The following PCDHGA5 variants were observed in gnomAD, a reference collection of about 807,000 sequenced individuals.
PCDHGA5 encodes the protein protocadherin gamma-A5.
In PCDHGA5, 36 loss-of-function variants were observed where a neutral mutation model predicts 56.7. The observed-to-expected ratio is 0.64, with a 90% CI of 0.49 to 0.84. The LOEUF (loss-of-function observed/expected upper bound fraction) is 0.84, where lower values mean the gene tolerates loss of function less well. PCDHGA5 is among the 40% of genes least tolerant of loss of function. The pLI is 0.00. For missense variants in PCDHGA5, 1,305 were observed against 1,201.5 expected, an observed-to-expected ratio of 1.09 and a Z score of -1.27; for synonymous variants, 563 against 520.2, an observed-to-expected ratio of 1.08 and a Z score of -1.12.
rs1030000451 is a variant in PCDHGA5, at chr5:141,432,417, T to G, written c.2422-62390T>G. 2.5e-6 allele frequency: 4 copies of G among 1,614,124 alleles called. No individual in the cohort carries two copies. In the African/African-American group the frequency reaches 5.3e-5, roughly 22 times the overall value. On this transcript the variant is annotated intron_variant, in intron 1 of 3. Coordinates refer to ENST00000518069, the MANE Select transcript of PCDHGA5 (RefSeq NM_018918.3). This position sits in a 1 kb window ranked among gnomAD's most constrained non-coding sequence, Gnocchi z 6.0. The stretch of plus-strand genomic sequence containing the variant: ...AACGTGTCGTTGAGCCTGTTCGTGC[T>G]GGACCAGAACGACAATGCGCCCGAG...
chr5:141,410,712 T>C (rs776042818), intron 1 of PCDHGA5: 2 of 1,437,800 alleles, frequency 1.4e-6, no homozygotes, highest in Non-Finnish European at 1.9e-6. Context: ...TCTAGAATCA[T>C]ATGTTTAAAA....
intron 1 of PCDHGA5, chr5:141,414,158 G>C: frequency 6.2e-7 from 1 of 1,602,572 alleles, no homozygotes; most frequent in Non-Finnish European, 8.5e-7. Context: ...GCAGAAGATG[G>C]AGGAGCATAT....
intron 1 of PCDHGA5, chr5:141,392,676 C>G: frequency 1.1e-6 from 1 of 917,280 alleles, no homozygotes. Context: ...AACTGCTGGA[C>G]TGCAGCGAAA....
chr5:141,470,650 T>C (rs2099235744), intron 1 of PCDHGA5, among the ~76,000 whole-genome samples: 1 of 152,184 alleles, frequency 6.6e-6, no homozygotes, highest in Non-Finnish European at 1.5e-5. Context: ...TGAAGGCCCC[T>C]ACCCTTTGGT....
Position 141,477,584 on chromosome 5 carries a change from G to A in PCDHGA5, c.2422-17223G>A. 5 of 1,614,148 alleles carry A rather than the reference G, an allele frequency of 3.1e-6. No homozygotes were observed. Among genetic ancestry groups the A allele is most frequent in the Non-Finnish European group, 4.2e-6 (5 of 1,180,032 alleles). On this transcript the variant is annotated intron_variant, in intron 1 of 3. Coordinates refer to ENST00000518069, the MANE Select transcript of PCDHGA5 (RefSeq NM_018918.3). This position sits in a 1 kb window ranked among gnomAD's most constrained non-coding sequence, Gnocchi z 4.9. ...CTGGGACCCCGACGCCCCGCAGAAT[G>A]CTCGGCTTTCTTTCTTTCTCTTGGA...
chr5:141,391,873 T>G (rs1023590638), intron 1 of PCDHGA5: 2 of 152,216 alleles, frequency 1.3e-5, no homozygotes, highest in African/African-American at 4.8e-5. Flanking sequence ...TAATCATCTC[T>G]TTGGTGAAAG....
At position 141,364,535 on chromosome 5, in the gene PCDHGA5, A is replaced by G. The variant is rs1404696563; in HGVS notation, c.205A>G (p.Arg69Gly). 2 of 1,614,100 alleles carry G rather than the reference A, an allele frequency of 1.2e-6. No individual in the cohort carries two copies. Among genetic ancestry groups the G allele is most frequent in the Admixed American group, 3.3e-5 (2 of 60,028 alleles). The change falls in exon 1 of 4, where the codon AGA becomes GGA. Residue 69 changes from arginine (R) to glycine (G), a missense_variant. Transcript: ENST00000518069. The part of the protein sequence containing the change: ...LAERGVRIVS[R>G]GRTQLFALNP... ...GGAGCGCGGAGTCCGCATCGTCTCC[A>G]GAGGTAGGACGCAGCTTTTTGCCCT...
chr5:141,481,096 T>C (rs1162625304), intron 1 of PCDHGA5, among the ~76,000 whole-genome samples: 2 of 152,150 alleles, frequency 1.3e-5, no homozygotes, highest in East Asian at 1.9e-4. Flanking sequence ...AAAGCAGTAC[T>C]CTGGAACCTA....
intron 1 of PCDHGA5, chr5:141,441,665 A>G (rs994092543): frequency 2.3e-5 from 6 of 265,720 alleles, no homozygotes; most frequent in Non-Finnish European, 3.7e-5. Context: ...CCTTGAGCGC[A>G]CAGTGCGCCT....
chr5:141,475,105 G>C (rs1215386045), intron 1 of PCDHGA5, among the ~76,000 whole-genome samples: 1 of 152,156 alleles, frequency 6.6e-6, no homozygotes, highest in Non-Finnish European at 1.5e-5. Context: ...GATCCTAGGT[G>C]GTAAATAGGC....
At chr5:141,465,466 C>T (rs1280373152) in intron 1 of PCDHGA5, among the ~76,000 whole-genome samples, 1 of 152,156 alleles carries the variant, frequency 6.6e-6, no homozygotes, top group African/African-American at 2.4e-5. Flanking sequence ...ACCAAATTGC[C>T]CTTGCTTCAT....
At chr5:141,371,657 G>A in intron 1 of PCDHGA5, 1 of 1,613,988 alleles carries the variant, frequency 6.2e-7, no homozygotes, top group Non-Finnish European at 8.5e-7. Context: ...ACAATGTGAC[G>A]ATCACAGCTA....
At chr5:141,390,230 A>T (rs2092091822) in intron 1 of PCDHGA5, 1 of 1,614,072 alleles carries the variant, frequency 6.2e-7, no homozygotes, top group Admixed American at 1.7e-5. Flanking sequence ...GCGGTGATTC[A>T]TCTGGGGCCT....
chr5:141,389,612 G>A, intron 1 of PCDHGA5: 1 of 1,613,040 alleles, frequency 6.2e-7, no homozygotes, highest in Non-Finnish European at 8.5e-7. Flanking sequence ...TCGATATGGT[G>A]CCGCACGCTG....
At chr5:141,388,487 C>T in intron 1 of PCDHGA5, 1 of 1,613,776 alleles carries the variant, frequency 6.2e-7, no homozygotes, top group Non-Finnish European at 8.5e-7. Flanking sequence ...CACCTTTGGA[C>T]AGAGAAAAGC....
chr5:141,394,458 A>T, intron 1 of PCDHGA5: 1 of 1,614,218 alleles, frequency 6.2e-7, no homozygotes, highest in Non-Finnish European at 8.5e-7. Context: ...CATGTCACTG[A>T]GCCTGTTCGT....
intron 1 of PCDHGA5, chr5:141,371,815 T>C (rs966835739): frequency 1.2e-6 from 2 of 1,613,738 alleles, no homozygotes; most frequent in Non-Finnish European, 1.7e-6. Context: ...ATTGCGCATG[T>C]CAGAGCCTCG....
At chr5:141,381,071 G>T (rs1343917347) in intron 1 of PCDHGA5, among the ~76,000 whole-genome samples, 1 of 152,172 alleles carries the variant, frequency 6.6e-6, no homozygotes, top group Non-Finnish European at 1.5e-5. Context: ...GATAACTATG[G>T]ATTATTTTGA....
Position 141,510,957 on chromosome 5 carries a change from T to C in PCDHGA5, c.2580T>C (p.Asp860=), listed in dbSNP as rs372617587. ...MILASASEAA[D]GSSTLGGGAG... ...CCTCTGTCTCTGCAGAAGCTGCTGA[T>C]GGGAGCTCCACCCTGGGAGGGGGTG... Residue 860 remains aspartate, a synonymous_variant, in exon 4 of 4, where the codon GAT becomes GAC. Transcript: ENST00000518069. 2.5e-6 allele frequency: 4 copies of C among 1,614,134 alleles called. No individual in the cohort carries two copies. The highest frequency in any genetic ancestry group is 3.4e-6 in the Non-Finnish European group (4 of 1,180,004).
Sources: gnomAD v4.1 joint callset for allele counts (sites outside exome capture counted in the v4.1 genomes callset) on GRCh38, gnomAD v4.1.1 for gene constraint, Gnocchi (gnomAD v3.1) non-coding constraint, MANE v1.5 for transcripts, NCBI Gene and HGNC (gene_info 2026-07-23, HGNC 2026-07-21) for gene names.